NPSR1: variants seen among roughly 807,000 people sequenced by gnomAD.
The protein encoded by NPSR1 is neuropeptide S receptor 1.
Under a neutral mutation model 46.9 loss-of-function variants are expected in NPSR1, and 48 were observed. The ratio of observed to expected loss-of-function variants is 1.02; its 90% confidence interval spans 0.81 to 1.30. The LOEUF (loss-of-function observed/expected upper bound fraction) is 1.30, where lower values mean the gene tolerates loss of function less well. Ranked by LOEUF, NPSR1 falls within the 50% of genes most tolerant of loss-of-function variation. The pLI is 0.00. For synonymous variants in NPSR1, 176 were observed against 168.1 expected (o/e 1.05, Z -0.36); for missense variants, 450 against 449.5 (o/e 1.00, Z -0.01).
chr7:34,854,078 CA>C (rs1247268634), downstream of NPSR1, among the ~76,000 whole-genome samples: 1 of 152,020 alleles, frequency 6.6e-6, no homozygotes, highest in Non-Finnish European at 1.5e-5. Flanking sequence ...ATCTTGCATG[CA>C]AAATGTGGAT....
chr7:34,836,882 C>A (rs1053676721), intron 6 of NPSR1, among the ~76,000 whole-genome samples: 1 of 152,074 alleles, frequency 6.6e-6, no homozygotes, highest in Non-Finnish European at 1.5e-5. Flanking sequence ...CAATTAAATG[C>A]TACAGCTCTA....
intron 2 of NPSR1, among the ~76,000 whole-genome samples, chr7:34,737,954 G>A (rs561920149): frequency 2.6e-5 from 4 of 152,068 alleles, no homozygotes; most frequent in African/African-American, 4.8e-5. Flanking sequence ...TCCCACCACC[G>A]GAATGGAAAC....
chr7:34,833,926 G>A (rs1790241114), intron 5 of NPSR1, among the ~76,000 whole-genome samples: 1 of 152,160 alleles, frequency 6.6e-6, no homozygotes, highest in African/African-American at 2.4e-5. Context: ...ACATTGCATT[G>A]ATTAGAGGCA....
chr7:34,847,479 T>C (rs955025883), intron 7 of NPSR1, among the ~76,000 whole-genome samples: 1 of 151,390 alleles, frequency 6.6e-6, no homozygotes, highest in East Asian at 1.9e-4. Flanking sequence ...CAAGCTGCAG[T>C]TGGAAGCTGG....
At chr7:34,820,223 C>A (rs915798124) in intron 4 of NPSR1, among the ~76,000 whole-genome samples, 1 of 152,172 alleles carries the variant, frequency 6.6e-6, no homozygotes, top group Admixed American at 6.5e-5. Context: ...GGAATGTATA[C>A]ATATCTCCAG....
At chr7:34,748,717 C>G (rs750837235) in intron 2 of NPSR1, among the ~76,000 whole-genome samples, 1 of 151,910 alleles carries the variant, frequency 6.6e-6, no homozygotes, top group East Asian at 1.9e-4. Flanking sequence ...AGTTTGTGTG[C>G]GTGAGGTGCT....
chr7:34,775,822 AGTT>A (rs1283922747), intron 2 of NPSR1, among the ~76,000 whole-genome samples: 1 of 151,940 alleles, frequency 6.6e-6, no homozygotes, highest in Admixed American at 6.6e-5. Context: ...TGCATCATTA[AGTT>A]GTTTATTTAA....
rs868616786 is a variant in NPSR1, at chr7:34,696,775, T to A, written c.280+12091T>A. Among the ~76,000 whole-genome samples, 18 of 109,288 alleles carry A rather than the reference T, an allele frequency of 1.6e-4. No homozygotes were observed. In the South Asian group the frequency reaches 2.4e-3, roughly 15 times the overall value. The allele number at this position is 109,288 out of a possible 152,430, so 71.7% of individuals were successfully genotyped here. On this transcript the variant is annotated intron_variant, in intron 2 of 8. Coordinates refer to ENST00000360581, the MANE Select transcript of NPSR1 (RefSeq NM_207172.2). The stretch of plus-strand genomic sequence containing the variant: ...CCAGACTGGATAGAAACAACACTTA[T>A]AGTGGCCAATAATTTTCCCAAACTC...
chr7:34,668,333 A>G (rs967446309), intron 1 of NPSR1, among the ~76,000 whole-genome samples: 1 of 152,258 alleles, frequency 6.6e-6, no homozygotes, highest in Non-Finnish European at 1.5e-5. Context: ...ACCCATGCAG[A>G]TAGAAGATAT....
rs558551168 is a variant in NPSR1 at position 34,742,019 on chromosome 7, C to CT, written c.281-36436dup. Reference sequence around the variant, plus strand: ...CCATTGTTGGCAAAATCAATTGCACCTTTTTTTAACTTGTCAAATTAGTTG... The same window carrying CT: ...CCATTGTTGGCAAAATCAATTGCACCTTTTTTTTAACTTGTCAAATTAGTTG... On this transcript the variant is annotated intron_variant, in intron 2 of 8. Coordinates refer to ENST00000360581, the MANE Select transcript of NPSR1 (RefSeq NM_207172.2). 1.5e-4 allele frequency among the ~76,000 whole-genome samples: 23 copies of CT among 152,236 alleles called. No homozygotes were observed. In the South Asian group the frequency reaches 4.6e-3, roughly 30 times the overall value.
intron 3 of NPSR1, among the ~76,000 whole-genome samples, chr7:34,794,163 G>C (rs964567288): frequency 2.6e-5 from 4 of 151,812 alleles, no homozygotes; most frequent in Admixed American, 6.6e-5. Context: ...TGCACATCAG[G>C]GTGAATATAA....
intron 8 of NPSR1, among the ~76,000 whole-genome samples, chr7:34,855,119 T>A (rs1395280360): frequency 1.3e-5 from 2 of 152,022 alleles, no homozygotes; most frequent in Non-Finnish European, 2.9e-5. Flanking sequence ...ATTAAATGTA[T>A]AGGATACAAA....
At chr7:34,798,473 T>G (rs529093856) in intron 3 of NPSR1, among the ~76,000 whole-genome samples, 1 of 152,244 alleles carries the variant, frequency 6.6e-6, no homozygotes, top group South Asian at 2.1e-4. Context: ...AGGCGAAGGT[T>G]GCAGTGATCC....
chr7:34,869,034 T>C (rs1171628819), intron 8 of NPSR1, among the ~76,000 whole-genome samples: 4 of 151,704 alleles, frequency 2.6e-5, no homozygotes, highest in African/African-American at 9.8e-5. Context: ...CTATCATTTC[T>C]ATCATTGATA....
intron 8 of NPSR1, among the ~76,000 whole-genome samples, chr7:34,857,849 G>GA (rs1160133168): frequency 1.3e-5 from 2 of 151,358 alleles, no homozygotes; most frequent in African/African-American, 4.9e-5. Context: ...AAATCAGTAA[G>GA]AAAAAGATTT....
At chr7:34,784,438 T>C (rs1000653073) in intron 3 of NPSR1, among the ~76,000 whole-genome samples, 10 of 152,148 alleles carry the variant, frequency 6.6e-5, no homozygotes, top group African/African-American at 2.4e-4. Context: ...TCTATTGAGA[T>C]AATCATGTGG....
chr7:34,846,715 A>G (rs1790752480), intron 7 of NPSR1, among the ~76,000 whole-genome samples: 1 of 152,350 alleles, frequency 6.6e-6, no homozygotes, highest in South Asian at 2.1e-4. Flanking sequence ...GCCGGCAAAA[A>G]GAAAAAATCC....
At position 34,787,467 on chromosome 7, in the gene NPSR1, C is replaced by T. The variant is rs74434068; in HGVS notation, c.384+8902C>T. 2.4e-3 allele frequency among the ~76,000 whole-genome samples: 369 copies of T among 152,224 alleles called. 4 individuals carry two copies. Among genetic ancestry groups the T allele is most frequent in the African/African-American group, 8.7e-3 (363 of 41,550 alleles). Reference sequence around the variant, plus strand: ...TTCATTTTCTTGTAATTTGTGTGTTCACTGAAGTAGTCATTTTACTTTTCT... The same window carrying T: ...TTCATTTTCTTGTAATTTGTGTGTTTACTGAAGTAGTCATTTTACTTTTCT... On this transcript the variant is annotated intron_variant, in intron 3 of 8. Coordinates refer to ENST00000360581, the MANE Select transcript of NPSR1 (RefSeq NM_207172.2).
At chr7:34,688,614 G>A (rs1269111153) in intron 2 of NPSR1, among the ~76,000 whole-genome samples, 1 of 152,120 alleles carries the variant, frequency 6.6e-6, no homozygotes, top group Non-Finnish European at 1.5e-5. Context: ...AATGGACTAG[G>A]AGTTTGAGCC....
Sources: gnomAD v4.1 joint callset for allele counts (sites outside exome capture counted in the v4.1 genomes callset) on GRCh38, gnomAD v4.1.1 for gene constraint, MANE v1.5 for transcripts, NCBI Gene and HGNC (gene_info 2026-07-23, HGNC 2026-07-21) for gene names.